Variants in SGCD observed in about 807,000 individuals in gnomAD.
SGCD encodes sarcoglycan delta, also known as delta-sarcoglycan.
Under a neutral mutation model 36.6 loss-of-function variants are expected in SGCD, and 18 were observed. The ratio of observed to expected loss-of-function variants is 0.49; its 90% CI spans 0.34 to 0.73. SGCD has a LOEUF of 0.73. Ranked by LOEUF, SGCD falls within the 30% of genes least tolerant of loss-of-function variation. The pLI, the probability that SGCD is intolerant of heterozygous loss-of-function variation, is 0.01. For missense variants in SGCD, 387 were observed against 346.7 expected, an observed-to-expected ratio of 1.12 and a Z score of -0.92; for synonymous variants, 133 against 130.6, an observed-to-expected ratio of 1.02 and a Z score of -0.12.
At chr5:156,145,121 G>A (rs751145813) in intron 3 of SGCD, among the ~76,000 whole-genome samples, 15 of 152,224 alleles carry the variant, frequency 9.9e-5, no homozygotes, top group African/African-American at 3.6e-4. Flanking sequence ...GGAGGTGATT[G>A]AGTCATGGGG....
intron 4 of SGCD, among the ~76,000 whole-genome samples, chr5:156,512,614 A>G (rs930943367): frequency 6.6e-6 from 1 of 152,202 alleles, no homozygotes; most frequent in African/African-American, 2.4e-5. Context: ...TTATATTTAA[A>G]ATTTTAATAG....
chr5:156,680,446 T>C (rs1454245715), intron 7 of SGCD, among the ~76,000 whole-genome samples: 8 of 152,166 alleles, frequency 5.3e-5, no homozygotes, highest in Admixed American at 5.2e-4. Flanking sequence ...TCTCTGAGCT[T>C]AGGTCTTCCC....
At chr5:155,759,913 T>C in the SGCD span, among the ~76,000 whole-genome samples, 1 of 152,326 alleles carries the variant, frequency 6.6e-6, no homozygotes, top group East Asian at 1.9e-4. Context: ...AAGAGAAATT[T>C]TCTACGAAGT....
the SGCD span, among the ~76,000 whole-genome samples, chr5:155,779,534 G>A: frequency 2.0e-4 from 30 of 152,208 alleles, 1 homozygote; most frequent in South Asian, 4.6e-3. Flanking sequence ...TCTGTAATAA[G>A]TATCTTATAT....
chr5:156,729,351 A>G (rs142295227), intron 7 of SGCD, among the ~76,000 whole-genome samples: 6 of 152,126 alleles, frequency 3.9e-5, no homozygotes, highest in African/African-American at 1.4e-4. Flanking sequence ...TTTACTCTCT[A>G]TCTCTCCGGT....
chr5:156,021,169 C>T (rs1435417593), intron 1 of SGCD, among the ~76,000 whole-genome samples: 1 of 152,144 alleles, frequency 6.6e-6, no homozygotes, highest in South Asian at 2.1e-4. Context: ...TTAATACATT[C>T]TCACCATATT....
At chr5:155,992,823 C>A (rs535447653) in intron 1 of SGCD, among the ~76,000 whole-genome samples, 5 of 152,206 alleles carry the variant, frequency 3.3e-5, no homozygotes, top group South Asian at 2.1e-4. Context: ...ATTAATTATG[C>A]CTTTTTATTT....
At chr5:156,192,682 T>C (rs1296951047) in intron 3 of SGCD, among the ~76,000 whole-genome samples, 2 of 151,812 alleles carry the variant, frequency 1.3e-5, no homozygotes, top group East Asian at 3.9e-4. Flanking sequence ...TTGCCCTAGG[T>C]ACCCTGACTT....
chr5:155,942,651 A>C (rs1271217625), intron 1 of SGCD, among the ~76,000 whole-genome samples: 1 of 152,182 alleles, frequency 6.6e-6, no homozygotes, highest in African/African-American at 2.4e-5. Context: ...CAATAAAGTC[A>C]AGTGTTGGCT....
the SGCD span, among the ~76,000 whole-genome samples, chr5:155,752,040 T>A: frequency 6.6e-6 from 1 of 152,184 alleles, no homozygotes; most frequent in South Asian, 2.1e-4. Flanking sequence ...ATGTCTGTAA[T>A]AAAAAAGCAA....
chr5:156,024,985 G>C (rs1235162924), intron 1 of SGCD, among the ~76,000 whole-genome samples: 1 of 151,616 alleles, frequency 6.6e-6, no homozygotes, highest in Non-Finnish European at 1.5e-5. Flanking sequence ...AATGGCTAAA[G>C]AAAGCTGTGG....
chr5:156,292,689 C>A (rs1029057858), intron 3 of SGCD, among the ~76,000 whole-genome samples: 1 of 152,092 alleles, frequency 6.6e-6, no homozygotes, highest in Non-Finnish European at 1.5e-5. Context: ...CTATTTTCCA[C>A]AGTGGGATGT....
intron 1 of SGCD, among the ~76,000 whole-genome samples, chr5:156,053,297 G>GT: frequency 6.8e-6 from 1 of 146,104 alleles, no homozygotes; most frequent in Non-Finnish European, 1.5e-5. Flanking sequence ...CCCCGGCCAT[G>GT]TAACATGGTC....
chr5:156,324,239 G>A (rs1362774808), upstream of SGCD, among the ~76,000 whole-genome samples: 1 of 152,104 alleles, frequency 6.6e-6, no homozygotes, highest in Admixed American at 6.6e-5. Flanking sequence ...TAATGTCCTG[G>A]AGGGCAACAA....
the SGCD span, among the ~76,000 whole-genome samples, chr5:155,767,275 C>T: frequency 8.5e-5 from 13 of 152,290 alleles, no homozygotes; most frequent in East Asian, 3.9e-4. Context: ...CTCCATGGGG[C>T]GGCCTGAGGA....
At chr5:156,757,994 A>T in intron 8 of SGCD, 1 of 1,217,046 alleles carries the variant, frequency 8.2e-7, no homozygotes, top group Non-Finnish European at 1.0e-6. Context: ...TTGTCACCTT[A>T]AAATAAGATT....
intron 1 of SGCD, among the ~76,000 whole-genome samples, chr5:156,036,116 C>T (rs2127577036): frequency 6.6e-6 from 1 of 152,256 alleles, no homozygotes; most frequent in Non-Finnish European, 1.5e-5. Context: ...TTATAATTTA[C>T]AGAGCTAGCT....
At chr5:156,397,571 C>A (rs771793146) in intron 3 of SGCD, among the ~76,000 whole-genome samples, 12 of 152,124 alleles carry the variant, frequency 7.9e-5, no homozygotes, top group Non-Finnish European at 1.5e-4. Flanking sequence ...GCCCTGTTGA[C>A]CACACTGGGC....
chr5:155,789,298 A>G, the SGCD span, among the ~76,000 whole-genome samples: 3 of 152,158 alleles, frequency 2.0e-5, no homozygotes, highest in Admixed American at 6.6e-5. Flanking sequence ...TAGATATTGT[A>G]ATTAAAAAGT....
Sources: gnomAD v4.1 joint callset for allele counts (sites outside exome capture counted in the v4.1 genomes callset) on GRCh38, gnomAD v4.1.1 for gene constraint, MANE v1.5 for transcripts, NCBI Gene and HGNC (gene_info 2026-07-23, HGNC 2026-07-21) for gene names.